Variants in TRAM2 observed in about 807,000 individuals in gnomAD.
The protein encoded by TRAM2 is translocating chain-associated membrane protein 2.
In TRAM2, 12 loss-of-function variants were observed where a neutral mutation model predicts 51.0. That is an observed-to-expected ratio of 0.24 (90% CI 0.15 to 0.38). The LOEUF is 0.38. Ranked by LOEUF, TRAM2 falls within the 10% of genes least tolerant of loss-of-function variation. The pLI, the probability that TRAM2 is intolerant of heterozygous loss-of-function variation, is 1.00. For missense variants in TRAM2, 361 were observed against 462.0 expected, an observed-to-expected ratio of 0.78 and a Z score of 2.00; for synonymous variants, 175 against 179.4, an observed-to-expected ratio of 0.98 and a Z score of 0.20.
At chr6:52,528,514 T>C (rs1007906956) in intron 2 of TRAM2, among the ~76,000 whole-genome samples, 16 of 152,110 alleles carry the variant, frequency 1.1e-4, no homozygotes, top group Admixed American at 2.0e-4. Context: ...AAGAATCATT[T>C]TGAGCCCTGG....
chr6:52,507,676 C>T, intron 6 of TRAM2, 53 bp from the exon 7 acceptor site: 1 of 1,576,644 alleles, frequency 6.3e-7, no homozygotes, highest in Non-Finnish European at 8.7e-7. Flanking sequence ...ACTGAAGATT[C>T]AGGGAAGGGG....
intron 1 of TRAM2, among the ~76,000 whole-genome samples, chr6:52,557,363 T>C (rs868313470): frequency 6.6e-6 from 1 of 152,214 alleles, no homozygotes; most frequent in African/African-American, 2.4e-5. Flanking sequence ...CATTGAGTCC[T>C]TACTGTATAT....
chr6:52,530,441 C>G (rs889318318), intron 2 of TRAM2, among the ~76,000 whole-genome samples: 2 of 152,206 alleles, frequency 1.3e-5, no homozygotes, highest in African/African-American at 4.8e-5. Flanking sequence ...TCCACCAAAA[C>G]TCTTGTTGAT....
intron 1 of TRAM2, among the ~76,000 whole-genome samples, chr6:52,566,283 C>T (rs913597304): frequency 6.6e-6 from 1 of 152,104 alleles, no homozygotes; most frequent in African/African-American, 2.4e-5. Context: ...CTGCTGCTTG[C>T]CTGTGTCACA....
intron 4 of TRAM2, among the ~76,000 whole-genome samples, chr6:52,509,865 T>C (rs1562475809): frequency 6.6e-6 from 1 of 152,196 alleles, no homozygotes; most frequent in Non-Finnish European, 1.5e-5. Context: ...GTCTTGCTCC[T>C]CTGAGCAAGC....
chr6:52,514,501 C>T (rs1766508926), intron 4 of TRAM2, among the ~76,000 whole-genome samples: 1 of 152,106 alleles, frequency 6.6e-6, no homozygotes, highest in African/African-American at 2.4e-5. Flanking sequence ...ATGTGCCTCC[C>T]CAAGAAAAGC....
At chr6:52,573,395 G>A (rs1472329769) in intron 1 of TRAM2, among the ~76,000 whole-genome samples, 2 of 152,174 alleles carry the variant, frequency 1.3e-5, no homozygotes, top group Non-Finnish European at 2.9e-5. Flanking sequence ...AACTCCCCCT[G>A]TGCCACCTCT....
chr6:52,563,591 C>T (rs1014344668), intron 1 of TRAM2, among the ~76,000 whole-genome samples: 6 of 149,628 alleles, frequency 4.0e-5, no homozygotes, highest in African/African-American at 9.9e-5. Flanking sequence ...TGGTGGTTGG[C>T]GCCTCTAGTC....
At chr6:52,575,912 T>A (rs1257776899) in intron 1 of TRAM2, among the ~76,000 whole-genome samples, 1 of 152,218 alleles carries the variant, frequency 6.6e-6, no homozygotes, top group African/African-American at 2.4e-5. Context: ...TTTCTTGCTC[T>A]GCAAGAGTAG....
chr6:52,498,875 A>G lies in TRAM2; in HGVS notation c.*4322T>C, dbSNP rs554554938. 1.3e-5 allele frequency: 2 copies of G among 152,720 alleles called. No homozygotes were observed. Among genetic ancestry groups the G allele is most frequent in the African/African-American group, 4.8e-5 (2 of 41,528 alleles). The allele number at this position is 152,720 out of a possible 1,614,324, so 9.5% of individuals were successfully genotyped here. A position where few individuals can be genotyped will look rare whatever the true frequency, so the allele number is the denominator to read the frequency against. On this transcript the variant is annotated 3_prime_UTR_variant, in exon 11 of 11. Coordinates refer to ENST00000182527, the MANE Select transcript of TRAM2 (RefSeq NM_012288.4). ...CAAGTTGAAAACCACACAGCAAAGTAAGGCACTTATTCTCACACACAGGCG... is the reference window on the plus strand; with the variant it reads ...CAAGTTGAAAACCACACAGCAAAGTGAGGCACTTATTCTCACACACAGGCG...
At chr6:52,542,261 G>GTT (rs139806290) in intron 1 of TRAM2, among the ~76,000 whole-genome samples, 47 of 89,568 alleles carry the variant, frequency 5.2e-4, no homozygotes, top group East Asian at 1.8e-3. Flanking sequence ...GAGATTTTTG[G>GTT]GTTTTTTTTT....
chr6:52,565,852 CCA>C (rs745329146), intron 1 of TRAM2, among the ~76,000 whole-genome samples: 1 of 152,216 alleles, frequency 6.6e-6, no homozygotes, highest in African/African-American at 2.4e-5. Context: ...CTCCCAACCT[CCA>C]CTATCTCTGG....
At chr6:52,533,737 G>C (rs894095430) in intron 2 of TRAM2, among the ~76,000 whole-genome samples, 2 of 152,294 alleles carry the variant, frequency 1.3e-5, no homozygotes, top group Admixed American at 6.5e-5. Context: ...GCTAGTAGCT[G>C]GCAGAGCCAG....
intron 1 of TRAM2, among the ~76,000 whole-genome samples, chr6:52,571,176 G>A (rs1767674386): frequency 1.3e-5 from 2 of 152,224 alleles, no homozygotes; most frequent in East Asian, 1.9e-4. Context: ...ACCAAAGCCT[G>A]CTAATAGCGC....
chr6:52,527,171 G>A (rs1448346724), intron 2 of TRAM2, among the ~76,000 whole-genome samples: 1 of 151,690 alleles, frequency 6.6e-6, no homozygotes, highest in Non-Finnish European at 1.5e-5. Flanking sequence ...TTGAGGTCAG[G>A]GGTTCCAGAC....
chr6:52,508,217 G>C lies in TRAM2; in HGVS notation c.555+17C>G. ...TCAATGAATGGCCTCCAAGAAGGGA[G>C]AGAAGTGAGCACTCACCTTCCGTAC... is the stretch of plus-strand genomic sequence containing the variant. On this transcript the variant is annotated intron_variant, in intron 6 of 10. Transcript: ENST00000182527. 1 of 1,612,740 alleles carries C rather than the reference G, an allele frequency of 6.2e-7. No homozygotes were observed. Among genetic ancestry groups the C allele is most frequent in the South Asian group, 1.1e-5 (1 of 90,910 alleles).
At chr6:52,573,714 G>A (rs966948545) in intron 1 of TRAM2, among the ~76,000 whole-genome samples, 2 of 152,178 alleles carry the variant, frequency 1.3e-5, no homozygotes, top group African/African-American at 4.8e-5. Flanking sequence ...ATCTCCCTGG[G>A]GACAGAGAAC....
rs765677709 is a variant in TRAM2, at chr6:52,505,579, T to C, written c.875+20A>G. 6.3e-7 allele frequency: 1 copy of C among 1,595,104 alleles called. No individual in the cohort carries two copies. Among genetic ancestry groups the C allele is most frequent in the Non-Finnish European group, 8.6e-7 (1 of 1,168,020 alleles). Reference sequence around the variant, plus strand: ...CAGGAGGCTCCCTGGCTTATCACCTTGGACTTCTGCTCGACTCACCTGCAA... The same window carrying C: ...CAGGAGGCTCCCTGGCTTATCACCTCGGACTTCTGCTCGACTCACCTGCAA... On this transcript the variant is annotated intron_variant, in intron 9 of 10. Coordinates refer to ENST00000182527, the MANE Select transcript of TRAM2 (RefSeq NM_012288.4).
chr6:52,503,523 G>C (rs190553498), intron 10 of TRAM2, among the ~76,000 whole-genome samples: 1 of 151,850 alleles, frequency 6.6e-6, no homozygotes, highest in East Asian at 2.0e-4. Context: ...CTGCACTTTA[G>C]CAGGAGGGGC....
Sources: allele counts gnomAD v4.1 joint callset (sites outside exome capture counted in the v4.1 genomes callset), GRCh38; gene constraint gnomAD v4.1.1; transcripts MANE v1.5; gene names NCBI Gene and HGNC (gene_info 2026-07-23, HGNC 2026-07-21).